Variants in WASF2 observed in about 807,000 individuals in gnomAD.
The protein encoded by WASF2 is WASP family member 2.
A neutral mutation model predicts 45.0 loss-of-function variants in WASF2; 14 were observed. The observed-to-expected ratio is 0.31, with a 90% CI of 0.21 to 0.49. The LOEUF (loss-of-function observed/expected upper bound fraction) is 0.49. WASF2 is among the 20% of genes least tolerant of loss of function. The pLI, the probability that WASF2 is intolerant of heterozygous loss-of-function variation, is 0.99. For synonymous variants in WASF2, 200 were observed against 236.3 expected (o/e 0.85, Z 1.41); for missense variants, 439 against 636.1 (o/e 0.69, Z 3.33).
chr1:27,426,513 ATTT>A (rs71785131), intron 2 of WASF2, among the ~76,000 whole-genome samples: 2 of 145,304 alleles, frequency 1.4e-5, no homozygotes, highest in Non-Finnish European at 3.0e-5. Context: ...AGTTAACTTA[ATTT>A]TTTTTTTTTT....
intron 1 of WASF2, among the ~76,000 whole-genome samples, chr1:27,483,380 G>T (rs773841122): frequency 6.6e-6 from 1 of 152,000 alleles, no homozygotes; most frequent in Non-Finnish European, 1.5e-5. Flanking sequence ...TGAGGCAGGA[G>T]ACTCGCCCTG....
intron 2 of WASF2, among the ~76,000 whole-genome samples, chr1:27,426,188 A>G (rs968866222): frequency 6.6e-5 from 10 of 152,256 alleles, no homozygotes; most frequent in African/African-American, 2.4e-4. Context: ...CTCTGACTAT[A>G]AAAACACTTG....
chr1:27,439,763 G>C (rs2017182961), intron 1 of WASF2, among the ~76,000 whole-genome samples: 1 of 152,132 alleles, frequency 6.6e-6, no homozygotes, highest in South Asian at 2.1e-4. Context: ...ACTTTGGGAG[G>C]CCGAGGTGGA....
intron 1 of WASF2, among the ~76,000 whole-genome samples, chr1:27,478,983 T>C (rs116482025): frequency 0.017 from 2,565 of 152,214 alleles, 71 homozygotes; most frequent in African/African-American, 0.058. Context: ...ATATAAGTTT[T>C]ACCTTTAAAA....
rs1210407497 is a variant in WASF2, at chr1:27,477,912, AAAT to A, written c.-44+12071_-44+12073del. On this transcript the variant is annotated intron_variant, in intron 1 of 8. Coordinates refer to ENST00000618852, the MANE Select transcript of WASF2 (RefSeq NM_006990.5). ...AGACTCCGTCTCAAAAAAAAAAAAT[AAAT>A]AAATAAAAAAAAAAATAAAAATAAA... Among the ~76,000 whole-genome samples, 5 of 90,504 alleles carry A rather than the reference AAAT, an allele frequency of 5.5e-5. 1 individual carries two copies. The highest frequency in any genetic ancestry group is 4.7e-4 in the African/African-American group (4 of 8,480). The allele number at this position is 90,504 out of a possible 152,430, so 59.4% of individuals were successfully genotyped here. A position where few individuals can be genotyped will look rare whatever the true frequency, so the allele number is the denominator to read the frequency against.
chr1:27,449,683 G>A (rs549644531), intron 1 of WASF2, among the ~76,000 whole-genome samples: 72 of 152,246 alleles, frequency 4.7e-4, no homozygotes, highest in Non-Finnish European at 8.2e-4. Flanking sequence ...TAAGGATAAG[G>A]AGGGTGTCTG....
At chr1:27,411,443 G>A (rs2148098490) in intron 7 of WASF2, among the ~76,000 whole-genome samples, 1 of 152,308 alleles carries the variant, frequency 6.6e-6, no homozygotes, top group South Asian at 2.1e-4. Flanking sequence ...ATTTGACACA[G>A]CAGTGAAACT....
At chr1:27,469,486 TACA>T (rs1187752612) in intron 1 of WASF2, among the ~76,000 whole-genome samples, 1 of 152,186 alleles carries the variant, frequency 6.6e-6, no homozygotes, top group East Asian at 1.9e-4. Context: ...CAGGACACAC[TACA>T]ACATTATCAC....
chr1:27,421,954 T>C (rs1291344167), intron 2 of WASF2, among the ~76,000 whole-genome samples: 1 of 149,358 alleles, frequency 6.7e-6, no homozygotes, highest in East Asian at 2.0e-4. Flanking sequence ...CCAGCCTATC[T>C]CAAAAATAAT....
rs1557622528 is a variant in WASF2 at position 27,477,915 on chromosome 1, T to TA, written c.-44+12070dup. ...CTCCGTCTCAAAAAAAAAAAATAAA[T>TA]AAATAAAAAAAAAAATAAAAATAAA... On this transcript the variant is annotated intron_variant, in intron 1 of 8. Transcript: ENST00000618852. Among the ~76,000 whole-genome samples, 36 of 85,052 alleles carry TA rather than the reference T, an allele frequency of 4.2e-4. 8 individuals carry two copies. The highest frequency in any genetic ancestry group is 3.0e-3 in the African/African-American group (35 of 11,732). 55.8% of individuals were successfully genotyped at this position (85,052 alleles called of 152,430 possible).
intron 1 of WASF2, among the ~76,000 whole-genome samples, chr1:27,448,260 G>T (rs1008893344): frequency 6.6e-6 from 1 of 152,148 alleles, no homozygotes; most frequent in Non-Finnish European, 1.5e-5. Context: ...TGACATGGGG[G>T]CTTGACATTA....
Position 27,409,916 on chromosome 1 carries a change from G to C in WASF2, c.1115C>G (p.Ala372Gly). The change falls in exon 8 of 9, where the codon GCA (alanine) becomes GGA (glycine). Residue 372 changes from alanine (A) to glycine (G), a missense_variant. Physicochemically the swap from Ala to Gly is moderately conservative, Grantham distance 60 (BLOSUM62 0). Coordinates refer to ENST00000618852, the MANE Select transcript of WASF2 (RefSeq NM_006990.5). ...TGGTGGCAGAGTTGGGTAGTCAGCTGCTGGTGGTGGAGGAGGAGGTGGAGG... is the reference window on the plus strand; with the variant it reads ...TGGTGGCAGAGTTGGGTAGTCAGCTCCTGGTGGTGGAGGAGGAGGTGGAGG... ...AAPPPPPPPP[A>G]ADYPTLPPPP... 6.3e-7 allele frequency: 1 copy of C among 1,594,562 alleles called. No individual in the cohort carries two copies. Among genetic ancestry groups the C allele is most frequent in the Non-Finnish European group, 8.6e-7 (1 of 1,169,000 alleles).
At chr1:27,480,869 C>T (rs2017838469) in intron 1 of WASF2, among the ~76,000 whole-genome samples, 1 of 150,830 alleles carries the variant, frequency 6.6e-6, no homozygotes, top group Non-Finnish European at 1.5e-5. Flanking sequence ...ATTAGCCGGG[C>T]GTGGTGGCAG....
chr1:27,470,998 G>A (rs2017679865), intron 1 of WASF2, among the ~76,000 whole-genome samples: 1 of 152,110 alleles, frequency 6.6e-6, no homozygotes, highest in Non-Finnish European at 1.5e-5. Flanking sequence ...GAGCTGAGAG[G>A]CAAAAATATA....
intron 8 of WASF2, among the ~76,000 whole-genome samples, chr1:27,409,456 A>AAT (rs2016730187): frequency 6.8e-6 from 1 of 146,446 alleles, no homozygotes; most frequent in South Asian, 2.2e-4. Context: ...AAAAAAAAAA[A>AAT]GAAAAGAAAA....
intron 1 of WASF2, among the ~76,000 whole-genome samples, chr1:27,463,156 G>T (rs1302882677): frequency 6.6e-6 from 1 of 152,078 alleles, no homozygotes; most frequent in African/African-American, 2.4e-5. Context: ...CTTCATATAA[G>T]GTAAAACTGT....
chr1:27,415,097 G>T, intron 5 of WASF2, 134 bp from the exon 6 acceptor site: 1 of 1,208,008 alleles, frequency 8.3e-7, no homozygotes, highest in African/African-American at 1.5e-5. Flanking sequence ...AGAACTTACA[G>T]AATTACTGGG....
chr1:27,418,838 C>G (rs2016861736), intron 3 of WASF2, 116 bp downstream of exon 3: 4 of 1,306,716 alleles, frequency 3.1e-6, no homozygotes, highest in Non-Finnish European at 4.1e-6. Context: ...AAGCAGAACT[C>G]TATAGGTCTC....
intron 1 of WASF2, among the ~76,000 whole-genome samples, chr1:27,488,721 T>C (rs2017980786): frequency 6.6e-6 from 1 of 152,198 alleles, no homozygotes; most frequent in Non-Finnish European, 1.5e-5. Flanking sequence ...TCAAATCACA[T>C]ATCTGAGGCC....
Sources: gnomAD v4.1 joint callset for allele counts (sites outside exome capture counted in the v4.1 genomes callset) on GRCh38, gnomAD v4.1.1 for gene constraint, MANE v1.5 for transcripts, NCBI Gene and HGNC (gene_info 2026-07-23, HGNC 2026-07-21) for gene names.